The following ZNF385D variants were observed in gnomAD, a reference collection of about 807,000 sequenced individuals.
ZNF385D encodes zinc finger protein 385D.
Under a neutral mutation model 35.8 loss-of-function variants are expected in ZNF385D, and 15 were observed. The ratio of observed to expected loss-of-function variants is 0.42; its 90% CI spans 0.28 to 0.64. ZNF385D has a LOEUF of 0.64. Among genes scored for constraint, ZNF385D ranks in the 30% least tolerant of loss-of-function variants. The probability of loss-of-function intolerance (pLI) is 0.23; values close to 1 mark genes in which losing one functional copy is unlikely to be tolerated. For synonymous variants in ZNF385D, 212 were observed against 186.8 expected (o/e 1.13, Z -1.10); for missense variants, 474 against 494.6 (o/e 0.96, Z 0.39).
chr3:22,096,542 T>C lies in ZNF385D; in HGVS notation c.325+72275A>G, dbSNP rs976514774. Among the ~76,000 whole-genome samples the C allele has an allele frequency of 1.1e-4, 16 of 152,166 alleles. 1 individual carries two copies. Among genetic ancestry groups the C allele is most frequent in the Admixed American group, 7.2e-4 (11 of 15,262 alleles). ...GTAATGCTGACAAATGCTTTACGAA[T>C]ACTTGAGACTTTCTTGCTCAAAAAG... On this transcript the variant is annotated intron_variant, in intron 3 of 5. Coordinates refer to the ZNF385D transcript ENST00000494108.
intron 3 of ZNF385D, among the ~76,000 whole-genome samples, chr3:21,882,591 C>T (rs993860505): frequency 6.6e-6 from 1 of 152,010 alleles, no homozygotes; most frequent in Non-Finnish European, 1.5e-5. Flanking sequence ...AACTCTGAGT[C>T]GTGCCTGTAC....
At chr3:21,997,925 G>A (rs1172926605) in intron 3 of ZNF385D, among the ~76,000 whole-genome samples, 2 of 146,392 alleles carry the variant, frequency 1.4e-5, no homozygotes, top group African/African-American at 2.5e-5. Flanking sequence ...GAGAGAGAGA[G>A]AAATTAGGGG....
At chr3:21,922,999 G>A (rs766775013) in intron 3 of ZNF385D, among the ~76,000 whole-genome samples, 2 of 151,882 alleles carry the variant, frequency 1.3e-5, no homozygotes, top group Non-Finnish European at 2.9e-5. Flanking sequence ...TCTCAAAAGA[G>A]GACATACAAG....
chr3:22,252,980 G>T (rs1700137901), intron 2 of ZNF385D, among the ~76,000 whole-genome samples: 1 of 152,040 alleles, frequency 6.6e-6, no homozygotes, highest in Admixed American at 6.6e-5. Context: ...TGACAGAGTA[G>T]TATCTATTCC....
At chr3:21,776,074 A>G (rs1190497735) in intron 3 of ZNF385D, among the ~76,000 whole-genome samples, 1 of 151,132 alleles carries the variant, frequency 6.6e-6, no homozygotes, top group East Asian at 1.9e-4. Flanking sequence ...TATACAATCA[A>G]AATCTTCTGT....
intron 1 of ZNF385D, among the ~76,000 whole-genome samples, chr3:21,688,840 G>T (rs557391083): frequency 2.6e-4 from 40 of 152,204 alleles, no homozygotes; most frequent in African/African-American, 9.4e-4. Context: ...TCAATTAAGA[G>T]CACAACAGGA....
At chr3:21,979,779 T>A (rs1311681829) in intron 3 of ZNF385D, 1 of 151,580 alleles carries the variant, frequency 6.6e-6, no homozygotes, top group African/African-American at 2.4e-5. Flanking sequence ...AGCACCAGGA[T>A]GGAAAAATAT....
intron 3 of ZNF385D, among the ~76,000 whole-genome samples, chr3:21,819,631 A>AATTATAT (rs1275252654): frequency 7.2e-6 from 1 of 139,088 alleles, no homozygotes; most frequent in Non-Finnish European, 1.5e-5. Flanking sequence ...TGTATTATAT[A>AATTATAT]ATTATATATT....
intron 3 of ZNF385D, among the ~76,000 whole-genome samples, chr3:21,954,173 G>A (rs1702185277): frequency 6.6e-6 from 1 of 151,724 alleles, no homozygotes; most frequent in South Asian, 2.1e-4. Context: ...GCTTTGCTGT[G>A]TTAATAATTC....
At chr3:21,522,337 G>T (rs1707959764) in intron 3 of ZNF385D, among the ~76,000 whole-genome samples, 1 of 151,640 alleles carries the variant, frequency 6.6e-6, no homozygotes. Flanking sequence ...CATTGCTTTT[G>T]TTTTAACTTT....
At chr3:22,158,416 T>C (rs1292577845) in intron 3 of ZNF385D, among the ~76,000 whole-genome samples, 1 of 152,096 alleles carries the variant, frequency 6.6e-6, no homozygotes, top group African/African-American at 2.4e-5. Context: ...CTCATTTTTA[T>C]CCCATTTCTT....
chr3:21,729,604 T>A (rs1398008150), intron 1 of ZNF385D, among the ~76,000 whole-genome samples: 1 of 152,184 alleles, frequency 6.6e-6, no homozygotes, highest in Non-Finnish European at 1.5e-5. Context: ...TGGGTTTCTG[T>A]AATCTCTCAG....
intron 3 of ZNF385D, among the ~76,000 whole-genome samples, chr3:22,049,829 T>G (rs538643328): frequency 9.2e-5 from 14 of 152,326 alleles, no homozygotes; most frequent in African/African-American, 2.6e-4. Flanking sequence ...GAGCCATCTT[T>G]GCATCCTAGT....
intron 2 of ZNF385D, among the ~76,000 whole-genome samples, chr3:22,315,575 G>T (rs374045312): frequency 8.5e-5 from 13 of 152,224 alleles, no homozygotes; most frequent in African/African-American, 2.9e-4. Flanking sequence ...AATTCAAAAC[G>T]GAAGGAGTTA....
intron 3 of ZNF385D, among the ~76,000 whole-genome samples, chr3:21,941,439 T>C (rs773962512): frequency 6.6e-5 from 10 of 151,454 alleles, no homozygotes; most frequent in Non-Finnish European, 1.3e-4. Context: ...CCAAGTATAG[T>C]GATTAAGCAG....
chr3:21,455,530 C>T (rs1017270826), intron 4 of ZNF385D, among the ~76,000 whole-genome samples: 2 of 152,150 alleles, frequency 1.3e-5, no homozygotes, highest in Non-Finnish European at 2.9e-5. Flanking sequence ...ACTGGCTAGC[C>T]ATATGTAGAA....
intron 3 of ZNF385D, among the ~76,000 whole-genome samples, chr3:21,793,026 G>A (rs1443589313): frequency 6.6e-6 from 1 of 152,152 alleles, no homozygotes; most frequent in Non-Finnish European, 1.5e-5. Flanking sequence ...GCTGTAGGGA[G>A]TAGACAACAT....
At chr3:21,578,319 C>G (rs2063553631) in intron 2 of ZNF385D, among the ~76,000 whole-genome samples, 1 of 152,206 alleles carries the variant, frequency 6.6e-6, no homozygotes, top group East Asian at 1.9e-4. Flanking sequence ...TGTGCAGAAG[C>G]TTTTTAGTTT....
chr3:22,265,211 G>A (rs1283407864), intron 2 of ZNF385D, among the ~76,000 whole-genome samples: 1 of 151,902 alleles, frequency 6.6e-6, no homozygotes, highest in East Asian at 1.9e-4. Context: ...ACTGCAACCT[G>A]ATAGAGAATT....
Sources: gnomAD v4.1 joint callset for allele counts (sites outside exome capture counted in the v4.1 genomes callset) on GRCh38, gnomAD v4.1.1 for gene constraint, MANE v1.5 for transcripts, NCBI Gene and HGNC (gene_info 2026-07-23, HGNC 2026-07-21) for gene names.